Variants in NOL7 observed in about 807,000 individuals in gnomAD.
NOL7 encodes U3 small nucleolar RNA-associated protein NOL7.
A neutral mutation model predicts 38.4 loss-of-function variants in NOL7; 36 were observed. The ratio of observed to expected loss-of-function variants is 0.94; its 90% CI spans 0.72 to 1.24. NOL7 has a LOEUF of 1.24. Among genes scored for constraint, NOL7 ranks in the 50% most tolerant of loss-of-function variants. The pLI is 0.00. For synonymous variants in NOL7, 142 were observed against 126.5 expected, an observed-to-expected ratio of 1.12 and a Z score of -0.82; for missense variants, 350 against 315.1, an observed-to-expected ratio of 1.11 and a Z score of -0.84.
rs774336814 is a variant in NOL7, at chr6:13,615,447, AG to A, written c.91del (p.Ala31ArgfsTer37). 3.2e-6 allele frequency: 5 copies of A among 1,549,712 alleles called. No homozygotes were observed. Among genetic ancestry groups the A allele is most frequent in the Non-Finnish European group, 4.4e-6 (5 of 1,146,758 alleles). On this transcript the variant is annotated frameshift_variant, in exon 1 of 8. Coordinates refer to ENST00000451315, the MANE Select transcript of NOL7 (RefSeq NM_016167.5). LOFTEE classifies it high-confidence loss of function. The stretch of plus-strand genomic sequence containing the variant: ...GGCCAGCTGGCCTCGGAGGAGGAGG[AG>A]GCGGAGCACGGGCTGTTGCTCGGGC... ...DEGQLASEEE[E>X]AEHGLLLGQP...
chr6:13,616,568 T>TGC (rs780061996), intron 3 of NOL7, 47 bp downstream of exon 3: 3 of 1,228,342 alleles, frequency 2.4e-6, no homozygotes. Flanking sequence ...ACACCCATCT[T>TGC]TGAATTATAT....
chr6:13,623,092 T>C (rs12209803), downstream of NOL7, among the ~76,000 whole-genome samples: 77,665 of 151,962 alleles, frequency 0.51, 20,755 homozygotes, highest in Admixed American at 0.63. Flanking sequence ...TTTAAAAAAA[T>C]GCCAATAAAT....
At chr6:13,619,305 G>C (rs1459295847) in intron 5 of NOL7, among the ~76,000 whole-genome samples, 1 of 152,200 alleles carries the variant, frequency 6.6e-6, no homozygotes, top group Non-Finnish European at 1.5e-5. Flanking sequence ...GTCTACAGAA[G>C]TCACAGAGAA....
downstream of NOL7, among the ~76,000 whole-genome samples, chr6:13,623,733 T>C (rs1051172119): frequency 2.6e-5 from 4 of 152,156 alleles, no homozygotes; most frequent in Admixed American, 1.3e-4. Context: ...TATAAACATA[T>C]ACATGCCCAT....
In NOL7 at chr6:13,621,521, G is replaced by A. The variant is rs1266730361; in HGVS notation, c.*694G>A. ...TATCTGTAGAAGTAAATTTTTAATG[G>A]CTGGTTAATTATATCACTACATTTT... is the stretch of plus-strand genomic sequence containing the variant. On this transcript the variant is annotated 3_prime_UTR_variant, in exon 8 of 8. Coordinates refer to ENST00000451315, the MANE Select transcript of NOL7 (RefSeq NM_016167.5). 6.6e-6 allele frequency: 1 copy of A among 152,530 alleles called. No homozygotes were observed. Among genetic ancestry groups the A allele is most frequent in the African/African-American group, 2.4e-5 (1 of 41,402 alleles). The allele number at this position is 152,530 out of a possible 1,614,324, so 9.4% of individuals were successfully genotyped here. A position where few individuals can be genotyped will look rare whatever the true frequency, so the allele number is the denominator to read the frequency against.
chr6:13,619,549 A>G (rs184874348), intron 5 of NOL7, among the ~76,000 whole-genome samples: 9 of 152,252 alleles, frequency 5.9e-5, no homozygotes, highest in African/African-American at 1.9e-4. Context: ...CATTTGGAAA[A>G]ACTTATTTGG....
At chr6:13,632,118 C>CTTTTT (rs752500098) in intron 8 of NOL7, among the ~76,000 whole-genome samples, 3 of 74,922 alleles carry the variant, frequency 4.0e-5, no homozygotes, top group Non-Finnish European at 7.8e-5. Flanking sequence ...GGATTTAATC[C>CTTTTT]TTTTTTTTTT....
chr6:13,623,035 C>G (rs1764498632), downstream of NOL7, among the ~76,000 whole-genome samples: 1 of 152,136 alleles, frequency 6.6e-6, no homozygotes. Flanking sequence ...ACAGCAGAGC[C>G]ACCCCACAGT....
intron 5 of NOL7, among the ~76,000 whole-genome samples, chr6:13,618,488 C>T (rs907371885): frequency 1.3e-5 from 2 of 151,640 alleles, no homozygotes; most frequent in African/African-American, 4.8e-5. Context: ...ACCTCATGAT[C>T]CACCCGCCTC....
intron 8 of NOL7, among the ~76,000 whole-genome samples, chr6:13,631,780 CA>C (rs1329208032): frequency 6.6e-6 from 1 of 152,308 alleles, no homozygotes; most frequent in African/African-American, 2.4e-5. Context: ...AACTGGTACA[CA>C]AAACTGTGGC....
intron 3 of NOL7, 102 bp from the exon 4 acceptor site, chr6:13,617,668 T>C: frequency 9.3e-7 from 1 of 1,079,868 alleles, no homozygotes; most frequent in Non-Finnish European, 1.4e-6. Context: ...GTGTTGGTAA[T>C]GAAAGGGGGT....
Position 13,615,435 on chromosome 6 carries a change from C to A in NOL7, c.77C>A (p.Ser26Ter). Reference sequence around the variant, plus strand: ...ATGGTGGACGAGGGCCAGCTGGCCTCGGAGGAGGAGGAGGCGGAGCACGGG... The same window carrying A: ...ATGGTGGACGAGGGCCAGCTGGCCTAGGAGGAGGAGGAGGCGGAGCACGGG... ...EAMVDEGQLA[S>*]EEEEAEHGLL... Residue 26 changes from serine to a stop codon, truncating the protein, a stop_gained, in exon 1 of 8, where the codon TCG becomes TAG. Coordinates refer to ENST00000451315, the MANE Select transcript of NOL7 (RefSeq NM_016167.5). LOFTEE classifies it high-confidence loss of function. 1 of 1,548,702 alleles carries A rather than the reference C, an allele frequency of 6.5e-7. No homozygotes were observed. The highest frequency in any genetic ancestry group is 8.7e-7 in the Non-Finnish European group (1 of 1,146,368).
chr6:13,615,706 T>C lies in NOL7; in HGVS notation c.267-6T>C. On this transcript the variant is annotated splice_region_variant and splice_polypyrimidine_tract_variant and intron_variant, in intron 1 of 7. Transcript: ENST00000451315. ...CCCTTTGCTGACTTATCACCCTTCC[T>C]CCCAGGGATAAAACGCTCCTGAAGG... is the stretch of plus-strand genomic sequence containing the variant. 6.2e-7 allele frequency: 1 copy of C among 1,614,120 alleles called. No individual in the cohort carries two copies. The highest frequency in any genetic ancestry group is 1.1e-5 in the South Asian group (1 of 91,082).
In NOL7 at chr6:13,615,374, CCGCGAGCGTCTCG is replaced by C. The variant is rs1764244442; in HGVS notation, c.20_32del (p.Arg7ProfsTer57). ...TGCGTGGGCCATGGTGCAGCTCCGA[CCGCGAGCGTCTCG>C]CGCCCCGGCGTCGGCGGAGGCGATG... On this transcript the variant is annotated frameshift_variant, in exon 1 of 8. Transcript: ENST00000451315. LOFTEE classifies it high-confidence loss of function. 1.3e-6 allele frequency: 2 copies of C among 1,513,164 alleles called. No individual in the cohort carries two copies. The highest frequency in any genetic ancestry group is 1.4e-5 in the African/African-American group (1 of 72,190). 93.7% of individuals were successfully genotyped at this position (1,513,164 alleles called of 1,614,324 possible). A position where few individuals can be genotyped will look rare whatever the true frequency, so the allele number is the denominator to read the frequency against.
In NOL7 at chr6:13,621,664, C is replaced by T. The variant is rs948155485; in HGVS notation, c.*837C>T. ...ATATAAATAAAGGTCATAACCACAC[C>T]GTTGACATGTAATACTGTTATAATA... On this transcript the variant is annotated 3_prime_UTR_variant, in exon 8 of 8. Coordinates refer to ENST00000451315, the MANE Select transcript of NOL7 (RefSeq NM_016167.5). 5.2e-5 allele frequency: 8 copies of T among 152,498 alleles called. No individual in the cohort carries two copies. Among genetic ancestry groups the T allele is most frequent in the Admixed American group, 3.3e-4 (5 of 15,276 alleles). The allele number at this position is 152,498 out of a possible 1,614,324, so 9.4% of individuals were successfully genotyped here.
At chr6:13,629,119 TTG>T (rs2127760053) in intron 8 of NOL7, among the ~76,000 whole-genome samples, 1 of 97,212 alleles carries the variant, frequency 1.0e-5, no homozygotes, top group South Asian at 3.3e-4. Flanking sequence ...TTGAGCCTTT[TTG>T]TTTTTTTGAG....
Position 13,629,913 on chromosome 6 carries a change from C to G in NOL7, n.574-2480C>G, listed in dbSNP as rs532417225. Among the ~76,000 whole-genome samples the G allele has an allele frequency of 7.4e-3, 931 of 125,170 alleles. 4 individuals carry two copies. Among genetic ancestry groups the G allele is most frequent in the African/African-American group, 0.026 (864 of 33,568 alleles). 82.1% of individuals were successfully genotyped at this position (125,170 alleles called of 152,430 possible). A position where few individuals can be genotyped will look rare whatever the true frequency, so the allele number is the denominator to read the frequency against. On this transcript the variant is annotated intron_variant and non_coding_transcript_variant, in intron 8 of 8. Coordinates refer to the NOL7 transcript ENST00000474485. Reference sequence around the variant, plus strand: ...TGTCTCTGTCTCTCTCTCTCTCTCTCTCTCTCTCGTGTGTGTGTGTGTGTG... The same window carrying G: ...TGTCTCTGTCTCTCTCTCTCTCTCTGTCTCTCTCGTGTGTGTGTGTGTGTG...
At chr6:13,619,665 C>CAA (rs1411222815) in intron 5 of NOL7, among the ~76,000 whole-genome samples, 1 of 152,128 alleles carries the variant, frequency 6.6e-6, no homozygotes, top group African/African-American at 2.4e-5. Context: ...TATTTTAGTA[C>CAA]AAAAGTCCAG....
rs1053107331 is a variant in NOL7, at chr6:13,616,178, G to T, written c.328-285G>T. Reference sequence around the variant, plus strand: ...TTTGCTGTCTGATACTCGACACAGAGAGCTGGCTCCAGGCAGACATTACTT... The same window carrying T: ...TTTGCTGTCTGATACTCGACACAGATAGCTGGCTCCAGGCAGACATTACTT... On this transcript the variant is annotated intron_variant, in intron 2 of 7. Transcript: ENST00000451315. Among the ~76,000 whole-genome samples, 5 of 152,342 alleles carry T rather than the reference G, an allele frequency of 3.3e-5. No homozygotes were observed. The East Asian group carries it at 9.6e-4, about 29-fold the overall frequency.
Sources: gnomAD v4.1 joint callset for allele counts (sites outside exome capture counted in the v4.1 genomes callset) on GRCh38, gnomAD v4.1.1 for gene constraint, MANE v1.5 for transcripts, NCBI Gene and HGNC (gene_info 2026-07-23, HGNC 2026-07-21) for gene names.